The following RYR1 variants were observed in gnomAD, a reference collection of about 807,000 sequenced individuals.
The protein encoded by RYR1 is central core disease of muscle.
A neutral mutation model predicts 583.5 loss-of-function variants in RYR1; 342 were observed. That is an observed-to-expected ratio of 0.59 (90% CI 0.54 to 0.64). The LOEUF (loss-of-function observed/expected upper bound fraction) is 0.64, where lower values mean the gene tolerates loss of function less well. Ranked by LOEUF, RYR1 falls within the 30% of genes least tolerant of loss-of-function variation. The pLI, the probability that RYR1 is intolerant of heterozygous loss-of-function variation, is 0.00. For synonymous variants in RYR1, 2,791 were observed against 2,822.5 expected (o/e 0.99, Z 0.35); for missense variants, 6,032 against 6,917.2 (o/e 0.87, Z 4.54).
chr19:38,517,898 C>T (rs1233453749), intron 66 of RYR1, among the ~76,000 whole-genome samples: 1 of 152,286 alleles, frequency 6.6e-6, no homozygotes, highest in East Asian at 1.9e-4. Flanking sequence ...TTGAGGCCAG[C>T]CATTTGCGAC....
chr19:38,439,361 G>A (rs747060394), intron 1 of RYR1, among the ~76,000 whole-genome samples: 20 of 152,106 alleles, frequency 1.3e-4, no homozygotes, highest in Middle Eastern at 3.2e-3. Flanking sequence ...CACCATGCCC[G>A]GGTAATTTTG....
chr19:38,473,681 C>A lies in RYR1; in HGVS notation c.4070C>A (p.Pro1357His). 6.4e-7 allele frequency: 1 copy of A among 1,550,576 alleles called. No homozygotes were observed. The highest frequency in any genetic ancestry group is 8.7e-7 in the Non-Finnish European group (1 of 1,147,166). Residue 1357 changes from proline (P) to histidine (H), a missense_variant, in exon 28 of 106, where the codon CCC becomes CAC. Around this residue, in one of 11 missense-constraint regions of RYR1, gnomAD observed 2,627 missense variants for 2,961.3 expected, o/e 0.89. Transcript: ENST00000359596. ...GAAGGGACTGCGAAGGAGGGCGCCC[C>A]CGGGGGCACCCCGCAGGCGGGGGGA... is the stretch of plus-strand genomic sequence containing the variant. ...GKEGTAKEGAPGGTPQAGGEA... is the reference protein window; with the variant it reads ...GKEGTAKEGAHGGTPQAGGEA...
chr19:38,585,394 TTA>T lies in RYR1; in HGVS notation c.14803+305_14803+306del, dbSNP rs200089543. 8.3e-3 allele frequency among the ~76,000 whole-genome samples: 1,213 copies of T among 145,442 alleles called. 11 individuals are homozygous for T. Among genetic ancestry groups the T allele is most frequent in the Non-Finnish European group, 0.013 (881 of 67,056 alleles). Reference sequence around the variant, plus strand: ...GATATATATATATATATATGTTTATTTATATATATATGTGTTTATATATATTT... The same window carrying T: ...GATATATATATATATATATGTTTATTTATATATATGTGTTTATATATATTT... On this transcript the variant is annotated intron_variant, in intron 102 of 105. Transcript: ENST00000359596.
At chr19:38,562,965 A>G (rs1381501108) in intron 90 of RYR1, among the ~76,000 whole-genome samples, 1 of 152,044 alleles carries the variant, frequency 6.6e-6, no homozygotes, top group Non-Finnish European at 1.5e-5. Context: ...CTGGCACACA[A>G]GTGGTTGCAG....
At chr19:38,484,029 TAAG>T (rs1425415447) in intron 33 of RYR1, among the ~76,000 whole-genome samples, 3 of 152,002 alleles carry the variant, frequency 2.0e-5, no homozygotes, top group African/African-American at 7.3e-5. Flanking sequence ...GGGTTACTCT[TAAG>T]AACTCTGAAC....
intron 72 of RYR1, 38 bp downstream of exon 72, chr19:38,527,090 A>C: frequency 3.7e-6 from 6 of 1,604,890 alleles, no homozygotes; most frequent in Middle Eastern, 3.3e-4. Flanking sequence ...GAAGCAAGTC[A>C]GAAAGTAACC....
At chr19:38,452,012 A>G (rs1967100284) in intron 12 of RYR1, 127 bp downstream of exon 12, 1 of 1,322,836 alleles carries the variant, frequency 7.6e-7, no homozygotes, top group African/African-American at 1.5e-5. Context: ...ACATGGGCCA[A>G]GCGCAGTGGC....
At chr19:38,532,650 T>C (rs760858797) in intron 77 of RYR1, 21 bp from the exon 78 acceptor site, 6 of 1,613,962 alleles carry the variant, frequency 3.7e-6, no homozygotes, top group Non-Finnish European at 4.2e-6. Flanking sequence ...GTTCATCCCT[T>C]AACTGATGCC....
intron 58 of RYR1, among the ~76,000 whole-genome samples, chr19:38,509,709 G>A (rs996933658): frequency 2.0e-5 from 3 of 151,660 alleles, no homozygotes; most frequent in Admixed American, 6.6e-5. Context: ...CACCCGCCTC[G>A]GCTTCCCAAA....
At position 38,448,397 on chromosome 19, in the gene RYR1, C is replaced by T. The variant is rs761009910; in HGVS notation, c.843C>T (p.Val281=). ...SHLRWGQPLR[V]RHVTTGQYLA... is the part of the protein sequence containing the mutation. ...TGCGCTGGGGCCAGCCACTCCGAGT[C>T]CGGCATGTCACTACCGGGCAGTACC... Residue 281 remains valine (V), a synonymous_variant, in exon 10 of 106, where the codon GTC becomes GTT. Coordinates refer to ENST00000359596, the MANE Select transcript of RYR1 (RefSeq NM_000540.3). The T allele has an allele frequency of 1.9e-6, 3 of 1,612,410 alleles. No individual in the cohort carries two copies. Among genetic ancestry groups the T allele is most frequent in the South Asian group, 2.2e-5 (2 of 91,080 alleles).
intron 94 of RYR1, 31 bp downstream of exon 94, chr19:38,570,724 G>C (rs1001378327): frequency 3.2e-6 from 5 of 1,565,994 alleles, no homozygotes; most frequent in Middle Eastern, 3.6e-4. Context: ...GGAGGGTCAG[G>C]CCCTTTTCCA....
intron 96 of RYR1, 75 bp downstream of exon 96, chr19:38,573,382 C>T (rs1973813058): frequency 6.4e-7 from 1 of 1,559,214 alleles, no homozygotes; most frequent in Admixed American, 1.9e-5. Context: ...GCCTGGACCC[C>T]AAAAAACTAG....
intron 19 of RYR1, 66 bp from the exon 20 acceptor site, chr19:38,460,309 C>G: frequency 6.9e-7 from 1 of 1,439,778 alleles, no homozygotes; most frequent in Non-Finnish European, 9.8e-7. Flanking sequence ...TTCCATGTCC[C>G]CCACTGACCA....
At chr19:38,582,374 G>A (rs981660348) in intron 101 of RYR1, among the ~76,000 whole-genome samples, 2 of 151,686 alleles carry the variant, frequency 1.3e-5, no homozygotes, top group Admixed American at 1.3e-4. Context: ...TCCAGCCTAG[G>A]CAACGAGAGT....
chr19:38,506,107 G>C (rs1032591906), intron 54 of RYR1, among the ~76,000 whole-genome samples, 161 bp downstream of exon 54: 1 of 151,896 alleles, frequency 6.6e-6, no homozygotes, highest in Admixed American at 6.6e-5. Flanking sequence ...GAGAGGGCAG[G>C]GGTCTGAAGA....
At chr19:38,550,763 C>A (rs1972630105) in intron 89 of RYR1, among the ~76,000 whole-genome samples, 1 of 152,050 alleles carries the variant, frequency 6.6e-6, no homozygotes, top group African/African-American at 2.4e-5. Flanking sequence ...TACTGTTATT[C>A]CCTTTGGAAT....
intron 13 of RYR1, 49 bp downstream of exon 13, chr19:38,453,063 G>T: frequency 1.3e-6 from 2 of 1,583,052 alleles, no homozygotes; most frequent in Non-Finnish European, 8.6e-7. Flanking sequence ...CAGGGGGCGG[G>T]ACCACTGAGG....
At chr19:38,563,490 C>T (rs1973247496) in intron 90 of RYR1, among the ~76,000 whole-genome samples, 1 of 152,196 alleles carries the variant, frequency 6.6e-6, no homozygotes, top group Non-Finnish European at 1.5e-5. Flanking sequence ...GTCTTGAACT[C>T]CTGACCTCAG....
At chr19:38,446,793 A>G (rs1448273165) in intron 9 of RYR1, 25 bp downstream of exon 9, 22 of 1,600,962 alleles carry the variant, frequency 1.4e-5, no homozygotes, top group East Asian at 2.2e-5. Context: ...ATGGGGAGAG[A>G]CCAGGGAGAG....
Sources: gnomAD v4.1 joint callset for allele counts (sites outside exome capture counted in the v4.1 genomes callset) on GRCh38, gnomAD v4.1.1 for gene constraint, gnomAD v4.1.1 regional missense constraint, MANE v1.5 for transcripts, NCBI Gene and HGNC (gene_info 2026-07-23, HGNC 2026-07-21) for gene names.